Variants in OR5V1 observed in about 807,000 individuals in gnomAD.
The protein encoded by OR5V1 is olfactory receptor family 5 subfamily V member 1.
For missense variants in OR5V1, 365 were observed against 371.5 expected, an observed-to-expected ratio of 0.98 and a Z score of 0.14; for synonymous variants, 134 against 143.2, an observed-to-expected ratio of 0.94 and a Z score of 0.46.
At position 29,355,830 on chromosome 6, in the gene OR5V1, A is replaced by G; in HGVS notation, c.366T>C (p.Arg122=). ...CLLLAAMAYD[R]YIAICNPLRY... ...TTAAAGGATTGCAGATTGCAATGTAACGATCATATGCCATTGCTGCCAGTA... is the reference window on the plus strand; with the variant it reads ...TTAAAGGATTGCAGATTGCAATGTAGCGATCATATGCCATTGCTGCCAGTA... The change falls in exon 2 of 2, where the codon CGT becomes CGC. Residue 122 remains arginine (R), a synonymous_variant. Coordinates refer to ENST00000641768, the MANE Select transcript of OR5V1 (RefSeq NM_030876.6). 6.2e-7 allele frequency: 1 copy of G among 1,614,076 alleles called. No individual in the cohort carries two copies. The highest frequency in any genetic ancestry group is 8.5e-7 in the Non-Finnish European group (1 of 1,179,970).
chr6:29,363,825 C>A (rs1404792432), intron 1 of OR5V1, among the ~76,000 whole-genome samples: 1 of 152,054 alleles, frequency 6.6e-6, no homozygotes, highest in Non-Finnish European at 1.5e-5. Context: ...CACAACAAAC[C>A]CATAGCCAAT....
intron 1 of OR5V1, among the ~76,000 whole-genome samples, chr6:29,366,324 T>TG (rs1279804065): frequency 4.2e-5 from 3 of 71,698 alleles, no homozygotes; most frequent in African/African-American, 1.2e-4. Context: ...GTAAAGTATA[T>TG]TAAAAAAAAA....
intron 1 of OR5V1, among the ~76,000 whole-genome samples, chr6:29,356,736 A>G (rs1049182862): frequency 2.0e-5 from 3 of 152,190 alleles, no homozygotes; most frequent in African/African-American, 4.8e-5. Flanking sequence ...TTAAAACATT[A>G]AAAATCTTTA....
rs566975426 is a variant in OR5V1, at chr6:29,363,265, T to C, written c.-83+5367A>G. Among the ~76,000 whole-genome samples, 6 of 152,266 alleles carry C rather than the reference T, an allele frequency of 3.9e-5. 1 individual carries two copies. The South Asian group carries it at 1.2e-3, about 32-fold the overall frequency. ...CTAAACCAGGAAGAAGTCGAATCCC[T>C]GAATAGACCAATAACAAGTACTGAA... is the stretch of plus-strand genomic sequence containing the variant. On this transcript the variant is annotated intron_variant, in intron 1 of 1. Transcript: ENST00000641768.
Position 29,367,934 on chromosome 6 carries a change from A to G in OR5V1, c.-83+698T>C, listed in dbSNP as rs113220324. On this transcript the variant is annotated intron_variant, in intron 1 of 1. Transcript: ENST00000641768. Reference sequence around the variant, plus strand: ...ACTGAGAAAATGTTTTCAGAATTTCATATCATAGTAAAGAGCTCAAGAATG... The same window carrying G: ...ACTGAGAAAATGTTTTCAGAATTTCGTATCATAGTAAAGAGCTCAAGAATG... 3.0e-3 allele frequency among the ~76,000 whole-genome samples: 453 copies of G among 152,328 alleles called. 4 individuals carry two copies. Among genetic ancestry groups the G allele is most frequent in the African/African-American group, 9.9e-3 (411 of 41,586 alleles).
At chr6:29,365,847 A>G (rs868239387) in intron 1 of OR5V1, among the ~76,000 whole-genome samples, 1 of 152,238 alleles carries the variant, frequency 6.6e-6, no homozygotes, top group Admixed American at 6.5e-5. Flanking sequence ...ATAAAGACAC[A>G]TGCATACGTA....
intron 1 of OR5V1, among the ~76,000 whole-genome samples, chr6:29,359,833 G>A (rs1778483988): frequency 6.6e-6 from 1 of 152,192 alleles, no homozygotes; most frequent in African/African-American, 2.4e-5. Context: ...TGGGTTTCAA[G>A]CACAAAACTG....
In OR5V1 at chr6:29,355,824, A is replaced by G. The variant is rs368964567; in HGVS notation, c.372T>C (p.Ile124=). The G allele has an allele frequency of 5.2e-5, 84 of 1,613,984 alleles. No homozygotes were observed. In the African/African-American group the frequency reaches 1.1e-3, roughly 21 times the overall value. ...LLAAMAYDRY[I]AICNPLRYSV... Reference sequence around the variant, plus strand: ...AATACCTTAAAGGATTGCAGATTGCAATGTAACGATCATATGCCATTGCTG... The same window carrying G: ...AATACCTTAAAGGATTGCAGATTGCGATGTAACGATCATATGCCATTGCTG... The change falls in exon 2 of 2, where the codon ATT becomes ATC. Residue 124 remains isoleucine (I), a synonymous_variant. Transcript: ENST00000641768.
chr6:29,362,863 A>G (rs1778638096), intron 1 of OR5V1, among the ~76,000 whole-genome samples: 2 of 152,214 alleles, frequency 1.3e-5, no homozygotes, highest in South Asian at 2.1e-4. Flanking sequence ...TTTAAAATCG[A>G]CCCCCTAACA....
rs945072281 is a variant in OR5V1 at position 29,354,517 on chromosome 6, A to G, written c.*713T>C. The G allele has an allele frequency of 2.0e-5, 3 of 152,054 alleles. No individual in the cohort carries two copies. The highest frequency in any genetic ancestry group is 4.4e-5 in the Non-Finnish European group (3 of 67,974). The allele number at this position is 152,054 out of a possible 1,614,324, so 9.4% of individuals were successfully genotyped here. A position where few individuals can be genotyped will look rare whatever the true frequency, so the allele number is the denominator to read the frequency against. On this transcript the variant is annotated 3_prime_UTR_variant, in exon 2 of 2. Coordinates refer to ENST00000641768, the MANE Select transcript of OR5V1 (RefSeq NM_030876.6). ...GATTCTGTTTTCTAAATTTTTAGCG[A>G]AAAAAGTTTCCCAAATTTAAGATAC...
rs991503511 is a variant in OR5V1 at position 29,356,297 on chromosome 6, A to G, written c.-82-20T>C. On this transcript the variant is annotated intron_variant, in intron 1 of 1. Coordinates refer to ENST00000641768, the MANE Select transcript of OR5V1 (RefSeq NM_030876.6). ...CATGACCTGAAAAATAAGGGAAAAA[A>G]CGGTTACAAATAAAAGTAATCACCA... The G allele has an allele frequency of 5.9e-6, 8 of 1,355,332 alleles. No homozygotes were observed. The African/African-American group carries it at 1.2e-4, about 20-fold the overall frequency. 84.0% of individuals were successfully genotyped at this position (1,355,332 alleles called of 1,614,324 possible).
intron 1 of OR5V1, among the ~76,000 whole-genome samples, chr6:29,364,237 G>T (rs1022902185): frequency 2.0e-5 from 3 of 152,032 alleles, no homozygotes; most frequent in Non-Finnish European, 4.4e-5. Flanking sequence ...CAACTTACAA[G>T]GGATGTGATG....
At chr6:29,364,336 G>A (rs114931068) in intron 1 of OR5V1, among the ~76,000 whole-genome samples, 2,427 of 152,044 alleles carry the variant, frequency 0.016, 48 homozygotes, top group African/African-American at 0.046. Context: ...TCATGGATAC[G>A]AAGAATCAAT....
intron 1 of OR5V1, among the ~76,000 whole-genome samples, chr6:29,361,765 C>G (rs1305148110): frequency 6.6e-6 from 1 of 151,934 alleles, no homozygotes; most frequent in East Asian, 1.9e-4. Context: ...GCCTGCTTTA[C>G]AAGAGCTCCT....
intron 1 of OR5V1, among the ~76,000 whole-genome samples, chr6:29,359,780 G>A (rs886836048): frequency 1.3e-5 from 2 of 152,138 alleles, no homozygotes; most frequent in African/African-American, 4.8e-5. Flanking sequence ...TTTGCAATCC[G>A]CAGACCAGGA....
intron 1 of OR5V1, among the ~76,000 whole-genome samples, chr6:29,359,252 C>A (rs1263287009): frequency 6.6e-6 from 1 of 152,152 alleles, no homozygotes; most frequent in Non-Finnish European, 1.5e-5. Context: ...CACATGCCCA[C>A]ACACACTAAA....
At chr6:29,363,678 A>C (rs946969199) in intron 1 of OR5V1, among the ~76,000 whole-genome samples, 2 of 152,168 alleles carry the variant, frequency 1.3e-5, no homozygotes, top group African/African-American at 2.4e-5. Context: ...CTATCACATA[A>C]ACAACCAATG....
Position 29,356,241 on chromosome 6 carries a change from G to A in OR5V1, c.-46C>T. On this transcript the variant is annotated 5_prime_UTR_variant, in exon 2 of 2. Transcript: ENST00000641768. ...CAGGAATTGGGCAAAGAGAAGACCAGATTATAAAAATGAATCATATGCTGC... is the reference window on the plus strand; with the variant it reads ...CAGGAATTGGGCAAAGAGAAGACCAAATTATAAAAATGAATCATATGCTGC... 1 of 1,523,118 alleles carries A rather than the reference G, an allele frequency of 6.6e-7. No individual in the cohort carries two copies. Among genetic ancestry groups the A allele is most frequent in the Non-Finnish European group, 8.8e-7 (1 of 1,141,222 alleles). 94.4% of individuals were successfully genotyped at this position (1,523,118 alleles called of 1,614,324 possible).
rs1243491516 is a variant in OR5V1, at chr6:29,355,629, A to T, written c.567T>A (p.Cys189Ter). 1.2e-6 allele frequency: 2 copies of T among 1,614,032 alleles called. No individual in the cohort carries two copies. Among genetic ancestry groups the T allele is most frequent in the Admixed American group, 3.3e-5 (2 of 59,974 alleles). Residue 189 changes from cysteine (C) to a stop codon, truncating the protein, a stop_gained, in exon 2 of 2, where the codon TGT becomes TGA. Coordinates refer to ENST00000641768, the MANE Select transcript of OR5V1 (RefSeq NM_030876.6). LOFTEE classifies it low-confidence loss of function (END_TRUNC). ...CDIPPLLILSCGNTSVNELAL... is the reference protein window; with the variant it reads ...CDIPPLLILS ...CCAACTCATTGACAGAAGTGTTTCC[A>T]CAAGACAAGATCAGCAAAGGGGGGA...
Sources: gnomAD v4.1 joint callset for allele counts (sites outside exome capture counted in the v4.1 genomes callset) on GRCh38, gnomAD v4.1.1 for gene constraint, MANE v1.5 for transcripts, NCBI Gene and HGNC (gene_info 2026-07-23, HGNC 2026-07-21) for gene names.